AFF2: variants seen among roughly 807,000 people sequenced by gnomAD.
The protein encoded by AFF2 is ALF transcription elongation factor 2.
A neutral mutation model predicts 76.9 loss-of-function variants in AFF2; 14 were observed. The ratio of observed to expected loss-of-function variants is 0.18; its 90% CI spans 0.12 to 0.28. AFF2 has a LOEUF of 0.28. Ranked by LOEUF, AFF2 falls within the 10% of genes least tolerant of loss-of-function variation. AFF2 has a pLI of 1.00. For missense variants in AFF2, 868 were observed against 1,001.1 expected, an observed-to-expected ratio of 0.87 and a Z score of 1.79; for synonymous variants, 398 against 366.7, an observed-to-expected ratio of 1.09 and a Z score of -0.98.
At chrX:148,652,152 G>C in intron 2 of AFF2, 21 bp downstream of exon 2, 1 of 1,142,834 alleles carries the variant, frequency 8.8e-7, no homozygotes, top group Non-Finnish European at 1.2e-6. Flanking sequence ...TTTCTTTCTG[G>C]AAAATGGTTG....
chrX:148,554,275 G>A (rs1380086021), intron 1 of AFF2, among the ~76,000 whole-genome samples: 1 of 112,487 alleles, frequency 8.9e-6, no homozygotes, highest in Non-Finnish European at 1.9e-5. Context: ...TGGGCTAGTT[G>A]CTGCGGATAC....
intron 9 of AFF2, among the ~76,000 whole-genome samples, chrX:148,907,418 C>G (rs1430426805): frequency 1.3e-4 from 14 of 111,554 alleles, no homozygotes; most frequent in Non-Finnish European, 2.4e-4. Flanking sequence ...GAAATTCACC[C>G]CTGATATTTC....
At chrX:148,791,877 G>A (rs782157507) in intron 3 of AFF2, among the ~76,000 whole-genome samples, 6 of 111,200 alleles carry the variant, frequency 5.4e-5, no homozygotes, top group Admixed American at 1.9e-4. Flanking sequence ...TGGGCTCATC[G>A]AACTGCAACT....
chrX:148,706,284 C>T (rs782456905), intron 3 of AFF2, among the ~76,000 whole-genome samples: 21 of 111,841 alleles, frequency 1.9e-4, no homozygotes, highest in Non-Finnish European at 3.9e-4. Context: ...TCTGCCATTT[C>T]GGAACCTGTC....
intron 1 of AFF2, among the ~76,000 whole-genome samples, chrX:148,584,557 A>AT (rs3040766): frequency 0.069 from 6,577 of 94,648 alleles, 490 homozygotes; most frequent in African/African-American, 0.21. Flanking sequence ...AAATGAAATG[A>AT]TTTTTTTTTT....
intron 1 of AFF2, among the ~76,000 whole-genome samples, chrX:148,555,071 A>G (rs1469571959): frequency 8.9e-6 from 1 of 112,183 alleles, no homozygotes; most frequent in Non-Finnish European, 1.9e-5. Flanking sequence ...CTGTTGCCCA[A>G]CCTGCAAAAC....
chrX:148,843,517 T>C, intron 7 of AFF2, 84 bp downstream of exon 7: 2 of 790,855 alleles, frequency 2.5e-6, no homozygotes, highest in Non-Finnish European at 3.8e-6. Context: ...AATCTTGTTC[T>C]CTCCTCTGCT....
At chrX:148,560,602 C>T (rs1415016494) in intron 1 of AFF2, among the ~76,000 whole-genome samples, 3 of 111,613 alleles carry the variant, frequency 2.7e-5, no homozygotes, top group African/African-American at 9.8e-5. Context: ...AGGCAACCTA[C>T]AGAATGGGAG....
intron 4 of AFF2, among the ~76,000 whole-genome samples, chrX:148,825,980 C>G (rs888218407): frequency 7.3e-5 from 8 of 109,546 alleles, no homozygotes; most frequent in South Asian, 4.1e-4. Flanking sequence ...GGGTAGAGTT[C>G]TCCTTGAGCT....
At chrX:148,792,298 C>T (rs2069906667) in intron 3 of AFF2, among the ~76,000 whole-genome samples, 1 of 111,846 alleles carries the variant, frequency 8.9e-6, no homozygotes, top group South Asian at 3.7e-4. Context: ...CATTTATATA[C>T]AAAAATTAGC....
chrX:148,745,811 C>T (rs941341925), intron 3 of AFF2, among the ~76,000 whole-genome samples: 35 of 110,739 alleles, frequency 3.2e-4, no homozygotes, highest in African/African-American at 1.1e-3. Flanking sequence ...GGTGCGATCT[C>T]GGTTCACTGC....
chrX:148,785,955 C>G (rs782701968), intron 3 of AFF2, among the ~76,000 whole-genome samples: 3 of 111,630 alleles, frequency 2.7e-5, no homozygotes, highest in African/African-American at 9.8e-5. Context: ...TGACTCACTT[C>G]GTACCCAGGT....
chrX:148,655,344 C>T (rs1390178050), intron 2 of AFF2, among the ~76,000 whole-genome samples: 1 of 104,210 alleles, frequency 9.6e-6, no homozygotes, highest in Non-Finnish European at 1.9e-5. Flanking sequence ...GAGTGCAGTG[C>T]GACTTACTGC....
intron 3 of AFF2, among the ~76,000 whole-genome samples, chrX:148,794,808 C>T (rs2069945934): frequency 9.0e-6 from 1 of 110,962 alleles, no homozygotes; most frequent in Non-Finnish European, 1.9e-5. Context: ...AAATTGTCTC[C>T]TGGATTGCTA....
rs969709894 is a variant in AFF2 at position 148,966,914 on chromosome X, C to T, written c.3038C>T (p.Thr1013Met). The change falls in exon 14 of 21, where the codon ACG becomes ATG. Residue 1013 changes from threonine to methionine, a missense_variant. Physicochemically the swap from Thr to Met is moderately conservative, Grantham distance 81. Around this residue, in one of 6 missense-constraint regions of AFF2, gnomAD observed 532 missense variants for 564.2 expected, o/e 0.94. Coordinates refer to ENST00000370460, the MANE Select transcript of AFF2 (RefSeq NM_002025.4). ...TTTVTATATATATTTTTTTTI... is the reference protein window; with the variant it reads ...TTTVTATATAMATTTTTTTTI... ...ACTGTCACAGCTACTGCCACCGCCA[C>T]GGCCACCACCACAACTACTACCACT... The T allele has an allele frequency of 5.0e-6, 6 of 1,208,980 alleles. No homozygotes were observed. Among genetic ancestry groups the T allele is most frequent in the Non-Finnish European group, 4.5e-6 (4 of 895,061 alleles).
At chrX:148,974,612 A>G (rs140454698) in intron 16 of AFF2, among the ~76,000 whole-genome samples, 1,568 of 111,854 alleles carry the variant, frequency 0.014, 23 homozygotes, top group African/African-American at 0.045. Context: ...GACACATTCC[A>G]AAAGATAAAA....
intron 4 of AFF2, among the ~76,000 whole-genome samples, chrX:148,824,463 T>C (rs1188903841): frequency 8.9e-6 from 1 of 112,026 alleles, no homozygotes; most frequent in African/African-American, 3.2e-5. Context: ...ACATATTAAT[T>C]AGCTTGATTA....
At chrX:148,720,933 A>G (rs1203184188) in intron 3 of AFF2, among the ~76,000 whole-genome samples, 3 of 111,696 alleles carry the variant, frequency 2.7e-5, no homozygotes, top group Admixed American at 9.5e-5. Flanking sequence ...ATTTCTATGG[A>G]GGGTTCATAG....
At chrX:148,820,992 C>T (rs1233579945) in intron 4 of AFF2, among the ~76,000 whole-genome samples, 2 of 110,596 alleles carry the variant, frequency 1.8e-5, no homozygotes, top group Non-Finnish European at 3.8e-5. Context: ...AAGCAAGAGA[C>T]TCAGAGGCTG....
Sources: allele counts gnomAD v4.1 joint callset (sites outside exome capture counted in the v4.1 genomes callset), GRCh38; gene constraint gnomAD v4.1.1; regional missense constraint gnomAD v4.1.1; transcripts MANE v1.5; gene names NCBI Gene and HGNC (gene_info 2026-07-23, HGNC 2026-07-21).